The following OXR1 variants were observed in gnomAD, a reference collection of about 807,000 sequenced individuals.
OXR1 encodes the protein oxidation resistance 1, also known as oxidation resistance protein 1.
OXR1 carries 41 observed loss-of-function variants against 104.6 expected under a neutral mutation model. That is an observed-to-expected ratio of 0.39 (90% CI 0.31 to 0.51). OXR1 has a LOEUF of 0.51. OXR1 is among the 20% of genes least tolerant of loss of function. OXR1 has a pLI of 0.77. For synonymous variants in OXR1, 348 were observed against 348.4 expected (o/e 1.00, Z 0.01); for missense variants, 955 against 1,031.9 (o/e 0.93, Z 1.02).
rs1042259279 is a variant in OXR1, at chr8:106,505,249, A to G, written c.24-13694A>G. 1.0e-3 allele frequency among the ~76,000 whole-genome samples: 157 copies of G among 152,366 alleles called. 2 individuals are homozygous for G. Among genetic ancestry groups the G allele is most frequent in the Non-Finnish European group, 1.0e-4 (7 of 68,036 alleles). On this transcript the variant is annotated intron_variant, in intron 2 of 16. Coordinates refer to ENST00000517566, the MANE Select transcript of OXR1 (RefSeq NM_001198533.2). Reference sequence around the variant, plus strand: ...GAAAATAAACATAACCACATGTCCTATAAGTCTTCTGTATGAAGACAGGTG... The same window carrying G: ...GAAAATAAACATAACCACATGTCCTGTAAGTCTTCTGTATGAAGACAGGTG...
In OXR1 at chr8:106,311,780, G is replaced by C. The variant is rs751989814; in HGVS notation, c.-139+41413G>C. Reference sequence around the variant, plus strand: ...TTTCTGATTTCTGTCAAGTGAATTTGCTTGTTAATTGGCTATTTCTCTTCC... The same window carrying C: ...TTTCTGATTTCTGTCAAGTGAATTTCCTTGTTAATTGGCTATTTCTCTTCC... On this transcript the variant is annotated intron_variant, in intron 1 of 16. Transcript: ENST00000517566. 2.5e-4 allele frequency among the ~76,000 whole-genome samples: 38 copies of C among 152,188 alleles called. 1 individual carries two copies. The highest frequency in any genetic ancestry group is 8.4e-4 in the African/African-American group (35 of 41,522).
intron 3 of OXR1, among the ~76,000 whole-genome samples, chr8:106,540,797 G>A (rs896690618): frequency 6.6e-6 from 1 of 152,184 alleles, no homozygotes; most frequent in African/African-American, 2.4e-5. Flanking sequence ...AGCTCGTGCA[G>A]GCAAACTCCT....
At chr8:106,468,656 A>G (rs1821319398) in intron 2 of OXR1, among the ~76,000 whole-genome samples, 1 of 151,752 alleles carries the variant, frequency 6.6e-6, no homozygotes, top group African/African-American at 2.4e-5. Flanking sequence ...TTTGTCACTG[A>G]AAGTTTTAAA....
At chr8:106,431,007 G>A (rs145754997) in intron 2 of OXR1, among the ~76,000 whole-genome samples, 1 of 152,260 alleles carries the variant, frequency 6.6e-6, no homozygotes, top group African/African-American at 2.4e-5. Flanking sequence ...AGACTTTTGA[G>A]GCTGGATCAT....
chr8:106,382,478 T>C (rs1365947738), intron 2 of OXR1, among the ~76,000 whole-genome samples: 1 of 152,114 alleles, frequency 6.6e-6, no homozygotes, highest in African/African-American at 2.4e-5. Flanking sequence ...ATAACTAACA[T>C]TGATCTAGAG....
intron 3 of OXR1, among the ~76,000 whole-genome samples, chr8:106,567,563 C>G (rs1302018544): frequency 6.6e-6 from 1 of 152,068 alleles, no homozygotes; most frequent in Non-Finnish European, 1.5e-5. Context: ...CTGGAGTTGG[C>G]CTGCCAAGAT....
At chr8:106,500,514 G>A (rs1312207577) in intron 2 of OXR1, among the ~76,000 whole-genome samples, 1 of 152,182 alleles carries the variant, frequency 6.6e-6, no homozygotes, top group African/African-American at 2.4e-5. Context: ...AATCTTTAGT[G>A]TTGTGAGCCC....
intron 3 of OXR1, among the ~76,000 whole-genome samples, chr8:106,536,641 T>C (rs1330563632): frequency 6.6e-6 from 1 of 152,132 alleles, no homozygotes; most frequent in African/African-American, 2.4e-5. Flanking sequence ...TTAATTTTTG[T>C]GGGTACATTG....
intron 3 of OXR1, among the ~76,000 whole-genome samples, chr8:106,620,493 AT>A (rs1237192911): frequency 6.6e-6 from 1 of 152,046 alleles, no homozygotes; most frequent in African/African-American, 2.4e-5. Context: ...TCTGTGGCCA[AT>A]TTTTGTCTCT....
intron 3 of OXR1, among the ~76,000 whole-genome samples, chr8:106,554,582 G>A (rs987845868): frequency 2.6e-5 from 4 of 152,132 alleles, no homozygotes; most frequent in African/African-American, 9.7e-5. Flanking sequence ...AGGAATCTGG[G>A]TGAAGTGTAT....
At chr8:106,679,857 A>T (rs1468216178) in intron 4 of OXR1, among the ~76,000 whole-genome samples, 1 of 152,024 alleles carries the variant, frequency 6.6e-6, no homozygotes, top group Non-Finnish European at 1.5e-5. Context: ...TGAAGTGAGA[A>T]ATCAGCTTTG....
In OXR1 at chr8:106,750,742, C is replaced by A. The variant is rs549967236; in HGVS notation, c.2487-64C>A. On this transcript the variant is annotated intron_variant, in intron 16 of 16. Transcript: ENST00000517566. ...TTTAGGGTTGTTAGGTATTCAAAGT[C>A]TCATTTAAATTGTTTTATAACTTAA... The A allele has an allele frequency of 6.9e-6, 8 of 1,158,172 alleles. No homozygotes were observed. In the East Asian group the frequency reaches 1.7e-4, roughly 25 times the overall value. The allele number at this position is 1,158,172 out of a possible 1,614,324, so 71.7% of individuals were successfully genotyped here. A position where few individuals can be genotyped will look rare whatever the true frequency, so the allele number is the denominator to read the frequency against.
intron 3 of OXR1, among the ~76,000 whole-genome samples, chr8:106,581,833 G>C (rs971092239): frequency 6.6e-6 from 1 of 151,990 alleles, no homozygotes; most frequent in Middle Eastern, 3.4e-3. Flanking sequence ...AGACCAGCCT[G>C]ACCAACATGG....
rs571296626 is a variant in OXR1, at chr8:106,334,347, T to C, written c.-138-25129T>C. ...TTGCTGAACTCATTACTAACTCTAA[T>C]AGTTATTTCTTTGTGTGTGGAATCC... is the stretch of plus-strand genomic sequence containing the variant. On this transcript the variant is annotated intron_variant, in intron 1 of 16. Transcript: ENST00000517566. Among the ~76,000 whole-genome samples, 4 of 152,284 alleles carry C rather than the reference T, an allele frequency of 2.6e-5. No homozygotes were observed. The South Asian group carries it at 8.3e-4, about 32-fold the overall frequency.
intron 3 of OXR1, among the ~76,000 whole-genome samples, chr8:106,533,380 G>T (rs998025873): frequency 6.6e-6 from 1 of 152,174 alleles, no homozygotes; most frequent in African/African-American, 2.4e-5. Flanking sequence ...ATGGGACCTT[G>T]ACATCCTGGA....
intron 2 of OXR1, among the ~76,000 whole-genome samples, chr8:106,467,304 G>A (rs1452664629): frequency 6.6e-6 from 1 of 151,768 alleles, no homozygotes; most frequent in African/African-American, 2.4e-5. Context: ...GGCTAGTCTT[G>A]GTGATGGAAG....
intron 1 of OXR1, among the ~76,000 whole-genome samples, chr8:106,321,268 G>A (rs1396002927): frequency 6.6e-6 from 1 of 152,164 alleles, no homozygotes. Flanking sequence ...CACATTAAAT[G>A]TTTTCAGTTG....
chr8:106,333,311 G>GT (rs1563722754), intron 1 of OXR1, among the ~76,000 whole-genome samples: 1 of 151,992 alleles, frequency 6.6e-6, no homozygotes, highest in Admixed American at 6.5e-5. Context: ...TTAATTTGCA[G>GT]TTGCCTAATT....
intron 4 of OXR1, among the ~76,000 whole-genome samples, chr8:106,680,804 C>A (rs1587067716): frequency 6.6e-6 from 1 of 152,114 alleles, no homozygotes; most frequent in South Asian, 2.1e-4. Context: ...ATTATGGAAG[C>A]CTCTTACCAA....
Sources: gnomAD v4.1 joint callset for allele counts (sites outside exome capture counted in the v4.1 genomes callset) on GRCh38, gnomAD v4.1.1 for gene constraint, MANE v1.5 for transcripts, NCBI Gene and HGNC (gene_info 2026-07-23, HGNC 2026-07-21) for gene names.